STOX2: variants seen among roughly 807,000 people sequenced by gnomAD.
STOX2 encodes storkhead box 2, also known as storkhead-box protein 2.
In STOX2, 28 loss-of-function variants were observed where a neutral mutation model predicts 60.9. The ratio of observed to expected loss-of-function variants is 0.46; its 90% CI spans 0.34 to 0.63. The LOEUF (loss-of-function observed/expected upper bound fraction) is 0.63, where lower values mean the gene tolerates loss of function less well. Ranked by LOEUF, STOX2 falls within the 30% of genes least tolerant of loss-of-function variation. STOX2 has a pLI of 0.01. For missense variants in STOX2, 1,024 were observed against 1,187.7 expected (o/e 0.86, Z 2.03); for synonymous variants, 472 against 463.9 (o/e 1.02, Z -0.22).
At chr4:184,002,844 C>T (rs894860137) in intron 2 of STOX2, among the ~76,000 whole-genome samples, 6 of 152,174 alleles carry the variant, frequency 3.9e-5, no homozygotes, top group African/African-American at 1.4e-4. Flanking sequence ...CCCCGAGGAA[C>T]GTTTTCTCCT....
In STOX2 at chr4:183,979,877, G is replaced by A. The variant is rs76174393; in HGVS notation, c.167-21448G>A. On this transcript the variant is annotated intron_variant, in intron 1 of 3. Coordinates refer to ENST00000308497, the MANE Select transcript of STOX2 (RefSeq NM_020225.3). ...ATTTCAGGTCTTATGTTAGTTCCTC[G>A]GGAACTAATATTTTAGGCCCGGTCA... Among the ~76,000 whole-genome samples the A allele has an allele frequency of 7.1e-3, 1,082 of 152,136 alleles. 22 individuals are homozygous for A. Among genetic ancestry groups the A allele is most frequent in the Admixed American group, 0.053 (804 of 15,292 alleles).
Position 183,806,755 on chromosome 4 carries a change from C to T in STOX2, c.364+8700C>T, listed in dbSNP as rs781289251. Reference sequence around the variant, plus strand: ...AGGTTATGATGACACCTCTGCCTTTCTACTTCTAAATAAGGTCCGCCGCCG... The same window carrying T: ...AGGTTATGATGACACCTCTGCCTTTTTACTTCTAAATAAGGTCCGCCGCCG... On this transcript the variant is annotated intron_variant, in intron 1 of 2. Transcript: ENST00000513034. This position sits in a 1 kb window ranked among gnomAD's most constrained non-coding sequence, Gnocchi z 4.1. 1.3e-5 allele frequency among the ~76,000 whole-genome samples: 2 copies of T among 152,158 alleles called. No individual in the cohort carries two copies. The highest frequency in any genetic ancestry group is 2.9e-5 in the Non-Finnish European group (2 of 68,032).
chr4:183,937,898 A>G (rs1362742702), intron 1 of STOX2, among the ~76,000 whole-genome samples: 1 of 152,220 alleles, frequency 6.6e-6, no homozygotes, highest in Admixed American at 6.5e-5. Context: ...TGTAAATCCT[A>G]GTACTTTTGG....
intron 1 of STOX2, among the ~76,000 whole-genome samples, chr4:183,908,924 G>T (rs184368681): frequency 2.8e-4 from 43 of 152,310 alleles, no homozygotes; most frequent in African/African-American, 1.0e-3. Flanking sequence ...CCCCCAAAGA[G>T]CGAAGTGCCT....
At chr4:183,902,392 C>T (rs995839488), upstream of STOX2, among the ~76,000 whole-genome samples, 1 of 151,252 alleles carries the variant, frequency 6.6e-6, no homozygotes, top group African/African-American at 2.5e-5. Context: ...TATGAAAATA[C>T]CAAATATACA....
intron 1 of STOX2, among the ~76,000 whole-genome samples, chr4:183,802,854 C>G (rs1200573180): frequency 1.3e-5 from 2 of 152,192 alleles, no homozygotes; most frequent in Non-Finnish European, 2.9e-5. Context: ...ATCTCCTGAC[C>G]TCTTGATCCG....
At chr4:183,998,799 C>T (rs1383777619) in intron 1 of STOX2, among the ~76,000 whole-genome samples, 4 of 152,196 alleles carry the variant, frequency 2.6e-5, no homozygotes, top group Non-Finnish European at 5.9e-5. Context: ...GCCTTGACCT[C>T]TAGAACTGTT....
At position 183,883,321 on chromosome 4, in the gene STOX2, AAT is replaced by A. The variant is rs1560862172; in HGVS notation, c.364+85267_364+85268del. 1.3e-5 allele frequency among the ~76,000 whole-genome samples: 2 copies of A among 148,616 alleles called. 1 individual carries two copies. Among genetic ancestry groups the A allele is most frequent in the Non-Finnish European group, 3.0e-5 (2 of 67,186 alleles). On this transcript the variant is annotated intron_variant, in intron 1 of 2. Coordinates refer to the STOX2 transcript ENST00000513034. ...TAGTTGTTCTGTTTGACATGTTATA[AAT>A]TTTTTTTTTTTTTTGAGACAGAGTC...
chr4:183,936,236 A>T (rs1742585863), intron 1 of STOX2, among the ~76,000 whole-genome samples: 2 of 152,004 alleles, frequency 1.3e-5, no homozygotes, highest in Non-Finnish European at 2.9e-5. Flanking sequence ...TTTTTTTTGC[A>T]GTCTGTGTGA....
At chr4:183,887,455 G>A (rs1350745401) in intron 1 of STOX2, among the ~76,000 whole-genome samples, 2 of 152,154 alleles carry the variant, frequency 1.3e-5, no homozygotes, top group African/African-American at 2.4e-5. Flanking sequence ...CCCTCTAACT[G>A]TCCAAAAGGT....
At chr4:183,997,266 C>G in intron 1 of STOX2, among the ~76,000 whole-genome samples, 1 of 152,108 alleles carries the variant, frequency 6.6e-6, no homozygotes, top group Admixed American at 6.5e-5. Flanking sequence ...AAAGGTCGAC[C>G]CAAGGAGCAT....
At chr4:183,926,178 T>C (rs192556014) in intron 1 of STOX2, among the ~76,000 whole-genome samples, 2 of 151,954 alleles carry the variant, frequency 1.3e-5, no homozygotes, top group Admixed American at 1.3e-4. Flanking sequence ...AAATAAATAT[T>C]CAAGATAAAG....
Position 183,990,578 on chromosome 4 carries a change from A to ATTTTTTTTTTTTTTTTTTTT in STOX2, c.167-10729_167-10710dup, listed in dbSNP as rs57369052. Among the ~76,000 whole-genome samples the ATTTTTTTTTTTTTTTTTTTT allele has an allele frequency of 2.4e-5, 2 of 82,450 alleles. 1 individual carries two copies. Among genetic ancestry groups the ATTTTTTTTTTTTTTTTTTTT allele is most frequent in the East Asian group, 8.3e-4 (2 of 2,406 alleles). 54.1% of individuals were successfully genotyped at this position (82,450 alleles called of 152,430 possible). On this transcript the variant is annotated intron_variant, in intron 1 of 3. Transcript: ENST00000308497. ...GAAGAGGGGCAGTTTAAAAAGCAGG[A>ATTTTTTTTTTTTTTTTTTTT]TTTTTTTTTTTTTTTTTTTTTTTTT...
At position 184,010,396 on chromosome 4, in the gene STOX2, G is replaced by A. The variant is rs201109995; in HGVS notation, c.1558G>A (p.Asp520Asn). The change falls in exon 3 of 4, where the codon GAC becomes AAC. Residue 520 changes from aspartate to asparagine, a missense_variant. Around this residue, in one of 3 missense-constraint regions of STOX2, gnomAD observed 922 missense variants for 1,058.3 expected, o/e 0.87. Transcript: ENST00000308497. This position sits in a 1 kb window ranked among gnomAD's most constrained non-coding sequence, Gnocchi z 4.5. Reference protein sequence around the residue: ...EDLAEGCSQDDQTPSQSYIDD... With the variant: ...EDLAEGCSQDNQTPSQSYIDD... ...CCTTGCTGAAGGCTGCAGCCAAGAC[G>A]ACCAGACCCCCAGCCAATCCTACAT... The A allele has an allele frequency of 1.6e-4, 255 of 1,613,484 alleles. 1 individual carries two copies. The highest frequency in any genetic ancestry group is 2.1e-4 in the Non-Finnish European group (243 of 1,179,724).
At chr4:184,006,685 CAAAAAAAAAAAAAA>C (rs1199363509) in intron 2 of STOX2, among the ~76,000 whole-genome samples, 1 of 76,540 alleles carries the variant, frequency 1.3e-5, no homozygotes, top group East Asian at 3.9e-4. Flanking sequence ...GACCCTGTCT[CAAAAAAAAAAAAAA>C]AAAAAGGAAA....
chr4:184,000,204 A>G (rs896116628), intron 1 of STOX2, among the ~76,000 whole-genome samples: 8 of 152,130 alleles, frequency 5.3e-5, no homozygotes, highest in Admixed American at 2.0e-4. Flanking sequence ...TCCCAGAAAT[A>G]TTCCAAGAAA....
At chr4:183,945,124 T>C (rs1742851570) in intron 1 of STOX2, among the ~76,000 whole-genome samples, 2 of 152,254 alleles carry the variant, frequency 1.3e-5, no homozygotes, top group African/African-American at 4.8e-5. Flanking sequence ...CAAGGTTTCA[T>C]TCTTTTCTGT....
At chr4:183,852,802 G>GT (rs1476830329) in intron 1 of STOX2, among the ~76,000 whole-genome samples, 1 of 152,222 alleles carries the variant, frequency 6.6e-6, no homozygotes, top group Non-Finnish European at 1.5e-5. Context: ...GTGCGTCAGC[G>GT]TAAGTAGTAG....
chr4:183,921,710 C>T (rs1298163092), intron 1 of STOX2, among the ~76,000 whole-genome samples: 1 of 152,178 alleles, frequency 6.6e-6, no homozygotes, highest in Non-Finnish European at 1.5e-5. Flanking sequence ...CATTTAAGAA[C>T]AGTCACAAAG....
Sources: allele counts gnomAD v4.1 joint callset (sites outside exome capture counted in the v4.1 genomes callset), GRCh38; gene constraint gnomAD v4.1.1; regional missense constraint gnomAD v4.1.1; non-coding constraint Gnocchi (gnomAD v3.1); transcripts MANE v1.5; gene names NCBI Gene and HGNC (gene_info 2026-07-23, HGNC 2026-07-21).